The following SNAPC5 variants were observed in gnomAD, a reference collection of about 807,000 sequenced individuals.
SNAPC5 encodes the protein small nuclear RNA activating complex polypeptide 5.
Under a neutral mutation model 9.1 loss-of-function variants are expected in SNAPC5, and 12 were observed. The observed-to-expected ratio is 1.32, with a 90% CI of 0.85 to 2.15. The LOEUF (loss-of-function observed/expected upper bound fraction) is 2.15, where lower values mean the gene tolerates loss of function less well. Ranked by LOEUF, SNAPC5 falls within the 30% of genes most tolerant of loss-of-function variation. The pLI is 0.00. For missense variants in SNAPC5, 132 were observed against 114.4 expected (o/e 1.15, Z -0.70); for synonymous variants, 52 against 47.3 (o/e 1.10, Z -0.41).
chr15:66,491,672 G>C (rs1893263840), downstream of SNAPC5: 1 of 251,216 alleles, frequency 4.0e-6, no homozygotes, highest in Middle Eastern at 1.4e-3. Flanking sequence ...AGGACACCGA[G>C]TTCAGTGCTT....
At position 66,494,466 on chromosome 15, in the gene SNAPC5, C is replaced by T. The variant is rs1028164354; in HGVS notation, c.267G>A (p.Glu89=). ...STKSHVTEEE[E]EEEEEESDS ...AATCTGATTCTTCTTCCTCTTCCTC[C>T]TCCTCCTCTTCCGTCACATGACTCT... The change falls in exon 3 of 3, where the codon GAG becomes GAA. Residue 89 remains glutamate, a synonymous_variant. Coordinates refer to ENST00000316634, the MANE Select transcript of SNAPC5 (RefSeq NM_001329615.2). The T allele has an allele frequency of 1.2e-6, 2 of 1,613,214 alleles. No individual in the cohort carries two copies. The highest frequency in any genetic ancestry group is 1.7e-6 in the Non-Finnish European group (2 of 1,179,564).
chr15:66,497,727 A>G lies in SNAPC5; in HGVS notation c.5T>C (p.Leu2Pro), dbSNP rs748097611. The G allele has an allele frequency of 6.2e-7, 1 of 1,612,622 alleles. No individual in the cohort carries two copies. The highest frequency in any genetic ancestry group is 8.5e-7 in the Non-Finnish European group (1 of 1,179,672). ...CTTGCGCAGTTCCTGAAGCCGGCTC[A>G]GCATGTTGCCTGGTCACATAGCCAA... MLSRLQELRKEE... is the reference protein window; with the variant it reads MPSRLQELRKEE... The change falls in exon 1 of 3, where the codon CTG becomes CCG. Residue 2 changes from leucine to proline, a missense_variant. Coordinates refer to ENST00000316634, the MANE Select transcript of SNAPC5 (RefSeq NM_001329615.2).
At chr15:66,490,697 C>T (rs576922968), downstream of SNAPC5, 2 of 951,160 alleles carry the variant, frequency 2.1e-6, no homozygotes, top group Admixed American at 3.5e-5. Context: ...ATGCCTGTCT[C>T]TGTTCAGATG....
rs1007370724 is a variant in SNAPC5 at position 66,497,722 on chromosome 15, G to A, written c.10C>T (p.Arg4Trp). 2.5e-6 allele frequency: 4 copies of A among 1,612,640 alleles called. No individual in the cohort carries two copies. Among genetic ancestry groups the A allele is most frequent in the Non-Finnish European group, 1.7e-6 (2 of 1,179,716 alleles). The change falls in exon 1 of 3, where the codon CGG (arginine) becomes TGG (tryptophan). Residue 4 changes from arginine (R) to tryptophan (W), a missense_variant. Arg to Trp is a moderately radical substitution (Grantham distance 101). Coordinates refer to ENST00000316634, the MANE Select transcript of SNAPC5 (RefSeq NM_001329615.2). ...TCCTCCTTGCGCAGTTCCTGAAGCCGGCTCAGCATGTTGCCTGGTCACATA... is the reference window on the plus strand; with the variant it reads ...TCCTCCTTGCGCAGTTCCTGAAGCCAGCTCAGCATGTTGCCTGGTCACATA... MLS[R>W]LQELRKEEET...
downstream of SNAPC5, chr15:66,490,985 C>T (rs1308333252): frequency 2.1e-5 from 9 of 434,456 alleles, no homozygotes; most frequent in Non-Finnish European, 1.3e-5. Context: ...GATTCTTTGA[C>T]ATTTGGTGGT....
At chr15:66,492,404 G>T (rs912049669), downstream of SNAPC5, 21 of 172,082 alleles carry the variant, frequency 1.2e-4, no homozygotes, top group Non-Finnish European at 2.0e-4. Flanking sequence ...AAAATGATCA[G>T]TGTTGTATAT....
intron 1 of SNAPC5, among the ~76,000 whole-genome samples, chr15:66,495,655 G>A (rs1388067303): frequency 1.3e-5 from 2 of 152,324 alleles, no homozygotes; most frequent in East Asian, 3.9e-4. Flanking sequence ...TTCTGGCTGA[G>A]TCATGGCTTC....
downstream of SNAPC5, chr15:66,490,778 T>G: frequency 2.9e-6 from 2 of 701,738 alleles, no homozygotes. Flanking sequence ...ATTTTTAATA[T>G]TACTGTCTTT....
downstream of SNAPC5, among the ~76,000 whole-genome samples, chr15:66,493,196 T>C (rs747200251): frequency 6.6e-6 from 1 of 152,234 alleles, no homozygotes; most frequent in Non-Finnish European, 1.5e-5. Context: ...CTTTGTGTTT[T>C]GTTTGGCTTT....
In SNAPC5 at chr15:66,495,315, C is replaced by T. The variant is rs373117390; in HGVS notation, c.180+15G>A. ...CTTTGCATTCTCTCCTAGGCCTGCACTTGATTAAGCTTACATCATGTGACT... is the reference window on the plus strand; with the variant it reads ...CTTTGCATTCTCTCCTAGGCCTGCATTTGATTAAGCTTACATCATGTGACT... On this transcript the variant is annotated intron_variant, in intron 2 of 2. Transcript: ENST00000316634. 6 of 1,480,334 alleles carry T rather than the reference C, an allele frequency of 4.1e-6. No individual in the cohort carries two copies. The African/African-American group carries it at 6.9e-5, about 17-fold the overall frequency. 91.7% of individuals were successfully genotyped at this position (1,480,334 alleles called of 1,614,324 possible). A position where few individuals can be genotyped will look rare whatever the true frequency, so the allele number is the denominator to read the frequency against.
intron 2 of SNAPC5, 115 bp from the exon 3 acceptor site, chr15:66,494,667 T>C (rs1893369122): frequency 2.8e-6 from 2 of 724,912 alleles, no homozygotes; most frequent in East Asian, 2.6e-5. Flanking sequence ...CCAGTACTTA[T>C]GACTAAGAGG....
At position 66,494,427 on chromosome 15, in the gene SNAPC5, C is replaced by T. The variant is rs998947972; in HGVS notation, c.*9G>A. 2 of 1,583,168 alleles carry T rather than the reference C, an allele frequency of 1.3e-6. No homozygotes were observed. Among genetic ancestry groups the T allele is most frequent in the Admixed American group, 3.3e-5 (2 of 59,928 alleles). ...TTGTATAACTGACCAGCCTGGCTTT[C>T]CCCCTCCTTTAGGAATCTGATTCTT... On this transcript the variant is annotated 3_prime_UTR_variant, in exon 3 of 3. Coordinates refer to ENST00000316634, the MANE Select transcript of SNAPC5 (RefSeq NM_001329615.2).
rs758455721 is a variant in SNAPC5 at position 66,494,461 on chromosome 15, T to C, written c.272A>G (p.Glu91Gly). The C allele has an allele frequency of 5.0e-6, 8 of 1,598,144 alleles. No individual in the cohort carries two copies. The highest frequency in any genetic ancestry group is 6.9e-6 in the Non-Finnish European group (8 of 1,167,866). ...TTAGGAATCTGATTCTTCTTCCTCT[T>C]CCTCCTCCTCCTCTTCCGTCACATG... ...KSHVTEEEEE[E>G]EEEESDS The change falls in exon 3 of 3, where the codon GAA becomes GGA. Residue 91 changes from glutamate (E) to glycine (G), a missense_variant. Physicochemically the swap from Glu to Gly is moderately conservative, Grantham distance 98. Transcript: ENST00000316634.
Position 66,497,754 on chromosome 15 carries a change from C to G in SNAPC5, c.-23G>C, listed in dbSNP as rs375708347. ...CATGTTGCCTGGTCACATAGCCAACCTCCGGGCTGCTGTCGGCCCGGCACT... is the reference window on the plus strand; with the variant it reads ...CATGTTGCCTGGTCACATAGCCAACGTCCGGGCTGCTGTCGGCCCGGCACT... On this transcript the variant is annotated 5_prime_UTR_variant, in exon 1 of 3. Coordinates refer to ENST00000316634, the MANE Select transcript of SNAPC5 (RefSeq NM_001329615.2). 3.3e-5 allele frequency: 53 copies of G among 1,586,898 alleles called. No individual in the cohort carries two copies. The South Asian group carries it at 5.8e-4, about 17-fold the overall frequency.
chr15:66,494,208 T>A lies in SNAPC5; in HGVS notation c.*228A>T. On this transcript the variant is annotated 3_prime_UTR_variant, in exon 3 of 3. Coordinates refer to ENST00000316634, the MANE Select transcript of SNAPC5 (RefSeq NM_001329615.2). ...ACCAGATTACAGACAGCACCACCCA[T>A]ATTACTCAATGCTAAGACACAGCAT... The A allele has an allele frequency of 1.9e-6, 1 of 517,454 alleles. No homozygotes were observed. The highest frequency in any genetic ancestry group is 3.5e-6 in the Non-Finnish European group (1 of 285,070). 32.1% of individuals were successfully genotyped at this position (517,454 alleles called of 1,614,324 possible). A position where few individuals can be genotyped will look rare whatever the true frequency, so the allele number is the denominator to read the frequency against.
chr15:66,493,181 T>G (rs1893313416), downstream of SNAPC5, among the ~76,000 whole-genome samples: 1 of 152,234 alleles, frequency 6.6e-6, no homozygotes, highest in African/African-American at 2.4e-5. Flanking sequence ...CTGCTTGACA[T>G]GATTCTTTGT....
At position 66,495,341 on chromosome 15, in the gene SNAPC5, G is replaced by A; in HGVS notation, c.169C>T (p.Gln57Ter). Residue 57 changes from glutamine (Q) to a stop codon, truncating the protein, a stop_gained, in exon 2 of 3, where the codon CAG (glutamine) becomes TAG (stop). Transcript: ENST00000316634. LOFTEE classifies it high-confidence loss of function. ...TTGATTAAGCTTACATCATGTGACT[G>A]TTCAGGTACAGTGTGAGAAGACAGC... is the stretch of plus-strand genomic sequence containing the variant. Reference protein sequence around the residue: ...EMLSSHTVPEQSHDMLVHVDN... With the variant: ...EMLSSHTVPE The A allele has an allele frequency of 5.0e-6, 8 of 1,585,634 alleles. No homozygotes were observed. The highest frequency in any genetic ancestry group is 6.9e-6 in the Non-Finnish European group (8 of 1,153,890).
At position 66,494,404 on chromosome 15, in the gene SNAPC5, G is replaced by T; in HGVS notation, c.*32C>A. The T allele has an allele frequency of 6.9e-7, 1 of 1,452,460 alleles. No individual in the cohort carries two copies. The highest frequency in any genetic ancestry group is 9.6e-7 in the Non-Finnish European group (1 of 1,040,342). 90.0% of individuals were successfully genotyped at this position (1,452,460 alleles called of 1,614,324 possible). On this transcript the variant is annotated 3_prime_UTR_variant, in exon 3 of 3. Transcript: ENST00000316634. ...AGCCTGAGCCTTAGAAATGCAATTT[G>T]TATAACTGACCAGCCTGGCTTTCCC...
downstream of SNAPC5, chr15:66,492,050 G>A (rs764743573): frequency 4.4e-5 from 20 of 456,420 alleles, no homozygotes; most frequent in Middle Eastern, 2.0e-3. Flanking sequence ...TCTCCTTTGC[G>A]ACATTAAGCA....
Sources: gnomAD v4.1 joint callset for allele counts (sites outside exome capture counted in the v4.1 genomes callset) on GRCh38, gnomAD v4.1.1 for gene constraint, MANE v1.5 for transcripts, NCBI Gene and HGNC (gene_info 2026-07-23, HGNC 2026-07-21) for gene names.